The following MYT1 variants were observed in gnomAD, a reference collection of about 807,000 sequenced individuals.
MYT1 encodes myelin transcription factor I.
Under a neutral mutation model 123.0 loss-of-function variants are expected in MYT1, and 23 were observed. The ratio of observed to expected loss-of-function variants is 0.19; its 90% CI spans 0.13 to 0.26. MYT1 has a LOEUF of 0.26. MYT1 is among the 10% of genes least tolerant of loss of function. MYT1 has a pLI of 1.00. For synonymous variants in MYT1, 518 were observed against 575.3 expected (o/e 0.90, Z 1.43); for missense variants, 1,125 against 1,472.5 (o/e 0.76, Z 3.86).
At chr20:64,239,116 G>C (rs2145739008) in intron 21 of MYT1, among the ~76,000 whole-genome samples, 1 of 152,338 alleles carries the variant, frequency 6.6e-6, no homozygotes, top group East Asian at 1.9e-4. Context: ...CAGGCTGGGG[G>C]CTATTCCTGG....
rs1982992698 is a variant in MYT1 at position 64,192,323 on chromosome 20, G to A, written c.-1+2163G>A. Among the ~76,000 whole-genome samples, 1 of 152,334 alleles carries A rather than the reference G, an allele frequency of 6.6e-6. No homozygotes were observed. Among genetic ancestry groups the A allele is most frequent in the East Asian group, 1.9e-4 (1 of 5,192 alleles). ...GAAGGCGAGAGGATGAGAAAGGGTC[G>A]ACTGCCTAGAGGACAGTGGGGCAGC... On this transcript the variant is annotated intron_variant, in intron 2 of 22. Coordinates refer to ENST00000328439, the MANE Select transcript of MYT1 (RefSeq NM_004535.3). The surrounding 1 kb of genome is among the most constrained non-coding windows in gnomAD (Gnocchi z 5.3).
At chr20:64,194,693 G>C (rs1983055653) in intron 2 of MYT1, among the ~76,000 whole-genome samples, 1 of 152,224 alleles carries the variant, frequency 6.6e-6, no homozygotes, top group Non-Finnish European at 1.5e-5. Context: ...GTGAGTGAGT[G>C]AGGAGAAATG....
Position 64,232,504 on chromosome 20 carries a change from A to C in MYT1, c.2897+119A>C, listed in dbSNP as rs1204029770. On this transcript the variant is annotated intron_variant, in intron 19 of 22. Transcript: ENST00000328439. The surrounding 1 kb of genome is among the most constrained non-coding windows in gnomAD (Gnocchi z 6.9). ...GGGCTCCGTGTGACCAGAGTTGCTC[A>C]AGGGAAAGGCCAGGCCACATGGGTA... 2.0e-6 allele frequency: 2 copies of C among 1,015,352 alleles called. No homozygotes were observed. Among genetic ancestry groups the C allele is most frequent in the Non-Finnish European group, 2.9e-6 (2 of 681,706 alleles). The allele number at this position is 1,015,352 out of a possible 1,614,324, so 62.9% of individuals were successfully genotyped here. A position where few individuals can be genotyped will look rare whatever the true frequency, so the allele number is the denominator to read the frequency against.
At chr20:64,204,571 C>T (rs757177205) in intron 4 of MYT1, among the ~76,000 whole-genome samples, 5 of 151,994 alleles carry the variant, frequency 3.3e-5, no homozygotes, top group African/African-American at 4.8e-5. Flanking sequence ...TGCTGGGGCA[C>T]GAAGGTCACA....
At position 64,198,286 on chromosome 20, in the gene MYT1, CAAAAAA is replaced by C. The variant is rs34822167; in HGVS notation, c.1-554_1-549del. Among the ~76,000 whole-genome samples, 32 of 23,826 alleles carry C rather than the reference CAAAAAA, an allele frequency of 1.3e-3. No individual in the cohort carries two copies. In the South Asian group the frequency reaches 0.079, roughly 59 times the overall value. 15.6% of individuals were successfully genotyped at this position (23,826 alleles called of 152,430 possible). A position where few individuals can be genotyped will look rare whatever the true frequency, so the allele number is the denominator to read the frequency against. On this transcript the variant is annotated intron_variant, in intron 2 of 22. Coordinates refer to ENST00000328439, the MANE Select transcript of MYT1 (RefSeq NM_004535.3). ...TGGGCGACAGAGCGAGACTCCGTCTCAAAAAAAAAAAAAAAAAAAAAAAAAAAGCCT... is the reference window on the plus strand; with the variant it reads ...TGGGCGACAGAGCGAGACTCCGTCTCAAAAAAAAAAAAAAAAAAAAAGCCT...
At chr20:64,227,643 G>A (rs17569186) in intron 17 of MYT1, among the ~76,000 whole-genome samples, 166 bp downstream of exon 17, 5,145 of 152,318 alleles carry the variant, frequency 0.034, 117 homozygotes, top group Non-Finnish European at 0.04. Flanking sequence ...GTCCTCTGCA[G>A]TAAGATAAAA....
chr20:64,221,813 C>G, intron 13 of MYT1, 80 bp from the exon 14 acceptor site: 9 of 1,454,462 alleles, frequency 6.2e-6, no homozygotes, highest in Non-Finnish European at 8.5e-6. Context: ...CCTGAAGGGT[C>G]CCTCTCCCTC....
At chr20:64,169,776 G>A (rs1982192694) in intron 1 of MYT1, among the ~76,000 whole-genome samples, 2 of 152,176 alleles carry the variant, frequency 1.3e-5, no homozygotes, top group African/African-American at 2.4e-5. Flanking sequence ...TCTGACTTAG[G>A]TCGTAAGGGG....
At chr20:64,179,931 T>C (rs573774285) in intron 1 of MYT1, among the ~76,000 whole-genome samples, 27 of 85,108 alleles carry the variant, frequency 3.2e-4, no homozygotes, top group Admixed American at 3.1e-3. Context: ...TATACACACA[T>C]GCTACACACA....
intron 1 of MYT1, among the ~76,000 whole-genome samples, chr20:64,187,916 A>G (rs1431385988): frequency 6.6e-6 from 1 of 152,212 alleles, no homozygotes; most frequent in Non-Finnish European, 1.5e-5. Flanking sequence ...TCTTTTGCCC[A>G]GAGAAGCTCA....
chr20:64,207,821 G>A lies in MYT1; in HGVS notation c.625G>A (p.Glu209Lys), dbSNP rs776279063. ...QEAAEGAASEEGEKGLFIQPE... is the reference protein window; with the variant it reads ...QEAAEGAASEKGEKGLFIQPE... ...GGCTGCAGAGGGAGCTGCCAGCGAGGAGGGTGAAAAGGGCCTCTTCATCCA... is the reference window on the plus strand; with the variant it reads ...GGCTGCAGAGGGAGCTGCCAGCGAGAAGGGTGAAAAGGGCCTCTTCATCCA... The change falls in exon 7 of 23, where the codon GAG becomes AAG. Residue 209 changes from glutamate to lysine, a missense_variant. By Grantham distance (56) the Glu-to-Lys change is moderately conservative (BLOSUM62 1). Coordinates refer to ENST00000328439, the MANE Select transcript of MYT1 (RefSeq NM_004535.3). The A allele has an allele frequency of 6.2e-7, 1 of 1,613,824 alleles. No individual in the cohort carries two copies. The highest frequency in any genetic ancestry group is 8.5e-7 in the Non-Finnish European group (1 of 1,179,940).
At chr20:64,228,633 C>T (rs896212066) in intron 18 of MYT1, among the ~76,000 whole-genome samples, 1 of 152,164 alleles carries the variant, frequency 6.6e-6, no homozygotes. Context: ...TGTTATCCTA[C>T]TTGGTGGGGG....
intron 1 of MYT1, among the ~76,000 whole-genome samples, 194 bp downstream of exon 1, chr20:64,164,933 C>T (rs905333132): frequency 1.3e-5 from 2 of 152,086 alleles, no homozygotes; most frequent in African/African-American, 2.4e-5. Context: ...TCCTCCCTGG[C>T]CTGCCGTGTG....
rs927917389 is a variant in MYT1, at chr20:64,191,472, C to G, written c.-1+1312C>G. The G allele has an allele frequency of 6.6e-6, 1 of 152,142 alleles. No homozygotes were observed. The highest frequency in any genetic ancestry group is 6.5e-5 in the Admixed American group (1 of 15,274). The allele number at this position is 152,142 out of a possible 1,614,324, so 9.4% of individuals were successfully genotyped here. ...GATCCGATTCTGACCTCTCTTTTTT[C>G]TTTTTTGCATGTAGATGCTCTCCAG... On this transcript the variant is annotated intron_variant, in intron 2 of 22. Coordinates refer to ENST00000328439, the MANE Select transcript of MYT1 (RefSeq NM_004535.3). This position sits in a 1 kb window ranked among gnomAD's most constrained non-coding sequence, Gnocchi z 4.1.
intron 18 of MYT1, among the ~76,000 whole-genome samples, chr20:64,228,746 C>A (rs1375192927): frequency 1.3e-5 from 2 of 152,170 alleles, no homozygotes; most frequent in Non-Finnish European, 2.9e-5. Flanking sequence ...ACCAGGTGAC[C>A]CACTGGCCAT....
In MYT1 at chr20:64,217,224, A is replaced by G; in HGVS notation, c.1789A>G (p.Lys597Glu). ...AAGTTTCGATGCTCAGGTTTTTGGC[A>G]AACGCATGCTTGCCCCAAAGATTCA... ...YASFDAQVFG[K>E]RMLAPKIQTS... Residue 597 changes from lysine (K) to glutamate (E), a missense_variant, in exon 11 of 23, where the codon AAA (lysine) becomes GAA (glutamate). Physicochemically the swap from Lys to Glu is moderately conservative, Grantham distance 56. Transcript: ENST00000328439. 1 of 1,614,262 alleles carries G rather than the reference A, an allele frequency of 6.2e-7. No homozygotes were observed. The highest frequency in any genetic ancestry group is 8.5e-7 in the Non-Finnish European group (1 of 1,180,036).
chr20:64,228,726 A>C (rs1984240988), intron 18 of MYT1, among the ~76,000 whole-genome samples: 1 of 152,190 alleles, frequency 6.6e-6, no homozygotes, highest in Non-Finnish European at 1.5e-5. Flanking sequence ...ATGCTTTGCT[A>C]CAGACTCAGA....
Position 64,205,659 on chromosome 20 carries a change from G to A in MYT1, c.256G>A (p.Gly86Ser), listed in dbSNP as rs761239924. The A allele has an allele frequency of 1.9e-6, 3 of 1,614,244 alleles. No individual in the cohort carries two copies. The South Asian group carries it at 3.3e-5, about 18-fold the overall frequency. The change falls in exon 6 of 23, where the codon GGC (glycine) becomes AGC (serine). Residue 86 changes from glycine to serine, a missense_variant. Physicochemically the swap from Gly to Ser is moderately conservative, Grantham distance 56. Coordinates refer to ENST00000328439, the MANE Select transcript of MYT1 (RefSeq NM_004535.3). ...SHPLKLALDE[G>S]YGVDSDGSED... ...CCCCCTGAAGCTGGCTCTGGACGAGGGCTATGGTGTGGACAGCGACGGCAG... is the reference window on the plus strand; with the variant it reads ...CCCCCTGAAGCTGGCTCTGGACGAGAGCTATGGTGTGGACAGCGACGGCAG...
rs751319901 is a variant in MYT1 at position 64,213,561 on chromosome 20, C to T, written c.1545C>T (p.Ala515=). 6 of 1,613,910 alleles carry T rather than the reference C, an allele frequency of 3.7e-6. No individual in the cohort carries two copies. Among genetic ancestry groups the T allele is most frequent in the African/African-American group, 2.7e-5 (2 of 74,856 alleles). Reference sequence around the variant, plus strand: ...TGTCTGGGTGTCCCATTGCTGCCGCCGAAAAATTAGCCAAATCCCATGAGA... The same window carrying T: ...TGTCTGGGTGTCCCATTGCTGCCGCTGAAAAATTAGCCAAATCCCATGAGA... ...RSLSGCPIAA[A]EKLAKSHEKQ... is the part of the protein sequence containing the mutation. The change falls in exon 10 of 23, where the codon GCC becomes GCT. Residue 515 remains alanine, a synonymous_variant. Transcript: ENST00000328439. The surrounding 1 kb of genome is among the most constrained non-coding windows in gnomAD (Gnocchi z 5.6).
Sources: gnomAD v4.1 joint callset for allele counts (sites outside exome capture counted in the v4.1 genomes callset) on GRCh38, gnomAD v4.1.1 for gene constraint, Gnocchi (gnomAD v3.1) non-coding constraint, MANE v1.5 for transcripts, NCBI Gene and HGNC (gene_info 2026-07-23, HGNC 2026-07-21) for gene names.